Variants in NCK1 observed in about 807,000 individuals in gnomAD.
The protein encoded by NCK1 is NCK adaptor protein 1, also known as SH2/SH3 adapter protein NCK1.
NCK1 carries 19 observed loss-of-function variants against 36.6 expected under a neutral mutation model. The ratio of observed to expected loss-of-function variants is 0.52; its 90% CI spans 0.36 to 0.76. NCK1 has a LOEUF of 0.76. Among genes scored for constraint, NCK1 ranks in the 30% least tolerant of loss-of-function variants. NCK1 has a pLI of 0.00. For missense variants in NCK1, 358 were observed against 445.6 expected, an observed-to-expected ratio of 0.80 and a Z score of 1.77; for synonymous variants, 165 against 156.0, an observed-to-expected ratio of 1.06 and a Z score of -0.43.
At chr3:136,947,981 G>A (rs1940871753) in intron 3 of NCK1, among the ~76,000 whole-genome samples, 2 of 152,078 alleles carry the variant, frequency 1.3e-5, no homozygotes, top group African/African-American at 4.8e-5. Context: ...GGAGCCGTGG[G>A]TGTTAAGAGA....
At chr3:136,944,111 CCT>C (rs373692055) in intron 2 of NCK1, among the ~76,000 whole-genome samples, 4,692 of 80,712 alleles carry the variant, frequency 0.058, 68 homozygotes, top group Non-Finnish European at 0.08. Flanking sequence ...GGAAAAACAA[CCT>C]TTTTTTTTTT....
intron 1 of NCK1, among the ~76,000 whole-genome samples, chr3:136,888,330 T>TA (rs1470029735): frequency 2.0e-5 from 3 of 152,228 alleles, no homozygotes; most frequent in Non-Finnish European, 4.4e-5. Context: ...TCACATACTA[T>TA]ACAGTTCACT....
intron 1 of NCK1, among the ~76,000 whole-genome samples, chr3:136,890,909 G>A (rs1008366405): frequency 2.6e-5 from 4 of 152,044 alleles, no homozygotes; most frequent in East Asian, 1.9e-4. Context: ...CCCAACCTCT[G>A]GCAATCACCA....
Position 136,893,147 on chromosome 3 carries a change from A to AGTGTGTGTGTGT in NCK1, c.-19+30815_-19+30826dup, listed in dbSNP as rs142883729. ...TTTTTATGGCTAAGTAATATTCCAT[A>AGTGTGTGTGTGT]GTGTGTGTGTGTGTGTGTGTGTGTG... On this transcript the variant is annotated intron_variant, in intron 1 of 3. Coordinates refer to ENST00000481752, the MANE Select transcript of NCK1 (RefSeq NM_001291999.2). 6.3e-3 allele frequency among the ~76,000 whole-genome samples: 263 copies of AGTGTGTGTGTGT among 41,788 alleles called. 25 individuals are homozygous for AGTGTGTGTGTGT. The highest frequency in any genetic ancestry group is 0.03 in the Middle Eastern group (2 of 66). The allele number at this position is 41,788 out of a possible 152,430, so 27.4% of individuals were successfully genotyped here.
intron 2 of NCK1, among the ~76,000 whole-genome samples, chr3:136,940,753 C>T (rs1478337013): frequency 6.6e-6 from 1 of 152,044 alleles, no homozygotes; most frequent in Non-Finnish European, 1.5e-5. Context: ...CCATGTTGGC[C>T]AGGCTAGTCT....
intron 1 of NCK1, among the ~76,000 whole-genome samples, chr3:136,891,496 A>T (rs1168231484): frequency 6.6e-6 from 1 of 152,224 alleles, no homozygotes; most frequent in Non-Finnish European, 1.5e-5. Context: ...CAATATGAAC[A>T]TGGGTGTACA....
chr3:136,893,479 G>GT (rs1474149299), intron 1 of NCK1, among the ~76,000 whole-genome samples: 3 of 152,120 alleles, frequency 2.0e-5, no homozygotes, highest in East Asian at 3.9e-4. Context: ...TCCTTAGGCT[G>GT]TTTTTTGATG....
At chr3:136,885,853 T>A (rs748423804) in intron 1 of NCK1, among the ~76,000 whole-genome samples, 1 of 152,230 alleles carries the variant, frequency 6.6e-6, no homozygotes, top group Non-Finnish European at 1.5e-5. Context: ...TCATAAGAGA[T>A]ATGTTCTTTT....
chr3:136,930,221 G>A (rs1940356747), intron 2 of NCK1, among the ~76,000 whole-genome samples: 2 of 152,246 alleles, frequency 1.3e-5, no homozygotes, highest in African/African-American at 4.8e-5. Context: ...TTGTTTGAAA[G>A]TTGAGAAGGA....
chr3:136,948,198 A>G, intron 3 of NCK1, 61 bp from the exon 4 acceptor site: 1 of 1,330,358 alleles, frequency 7.5e-7, no homozygotes, highest in East Asian at 2.5e-5. Flanking sequence ...AGTTTAATAT[A>G]AAAATACTGA....
chr3:136,928,022 A>G lies in NCK1; in HGVS notation c.21A>G (p.Val7=), dbSNP rs1263212599. 1.2e-6 allele frequency: 2 copies of G among 1,613,900 alleles called. No homozygotes were observed. Among genetic ancestry groups the G allele is most frequent in the Non-Finnish European group, 1.7e-6 (2 of 1,179,876 alleles). The change falls in exon 2 of 4, where the codon GTA becomes GTG. Residue 7 remains valine, a synonymous_variant. Transcript: ENST00000481752. The part of the protein sequence containing the change: MAEEVV[V]VAKFDYVAQQ... ...GAAAGATGGCAGAAGAAGTGGTGGTAGTAGCCAAATTTGATTATGTGGCCC... is the reference window on the plus strand; with the variant it reads ...GAAAGATGGCAGAAGAAGTGGTGGTGGTAGCCAAATTTGATTATGTGGCCC...
intron 1 of NCK1, among the ~76,000 whole-genome samples, chr3:136,887,886 G>T (rs893464082): frequency 6.6e-5 from 10 of 151,864 alleles, no homozygotes; most frequent in African/African-American, 2.2e-4. Context: ...TAATGTTTCG[G>T]TTCTTGTTAT....
intron 1 of NCK1, among the ~76,000 whole-genome samples, chr3:136,903,780 A>G (rs1391093330): frequency 6.6e-6 from 1 of 151,922 alleles, no homozygotes; most frequent in Non-Finnish European, 1.5e-5. Context: ...ATTCAGAGTT[A>G]TTGATGTGTG....
rs184648268 is a variant in NCK1 at position 136,889,301 on chromosome 3, G to C, written c.-19+26948G>C. ...CAAGAATGAAGCCGCGGACCCTCGC[G>C]GTGAGTGTTACAGCTGTTAAGGTGG... On this transcript the variant is annotated intron_variant, in intron 1 of 3. Transcript: ENST00000481752. 1.5e-4 allele frequency: 27 copies of C among 175,588 alleles called. No homozygotes were observed. The East Asian group carries it at 4.6e-3, about 30-fold the overall frequency. 10.9% of individuals were successfully genotyped at this position (175,588 alleles called of 1,614,324 possible). A position where few individuals can be genotyped will look rare whatever the true frequency, so the allele number is the denominator to read the frequency against.
Position 136,928,230 on chromosome 3 carries a change from A to G in NCK1, c.226+3A>G. The G allele has an allele frequency of 1.3e-6, 2 of 1,584,260 alleles. No individual in the cohort carries two copies. The highest frequency in any genetic ancestry group is 1.2e-5 in the South Asian group (1 of 85,786). Reference sequence around the variant, plus strand: ...GAAAAACCTAAAGGATACCTTAGGTAAGATATTTTTTAAAAGAAAAGCAAC... The same window carrying G: ...GAAAAACCTAAAGGATACCTTAGGTGAGATATTTTTTAAAAGAAAAGCAAC... On this transcript the variant is annotated splice_donor_region_variant and intron_variant, in intron 2 of 3. Transcript: ENST00000481752.
intron 1 of NCK1, among the ~76,000 whole-genome samples, chr3:136,891,824 C>G (rs769161763): frequency 2.6e-5 from 4 of 152,124 alleles, no homozygotes; most frequent in Admixed American, 6.6e-5. Flanking sequence ...TGTGCTTATT[C>G]ACTGTTTGCA....
chr3:136,893,446 C>T (rs1939309715), intron 1 of NCK1, among the ~76,000 whole-genome samples: 1 of 151,770 alleles, frequency 6.6e-6, no homozygotes, highest in African/African-American at 2.4e-5. Flanking sequence ...TGTGTATCTT[C>T]GTTTGAGAAT....
intron 1 of NCK1, among the ~76,000 whole-genome samples, chr3:136,885,991 T>C (rs575774921): frequency 6.6e-6 from 1 of 152,322 alleles, no homozygotes; most frequent in Non-Finnish European, 1.5e-5. Flanking sequence ...ACAGTGGTAT[T>C]TCATCTGTTC....
intron 1 of NCK1, among the ~76,000 whole-genome samples, chr3:136,913,228 C>G (rs1394895162): frequency 6.6e-6 from 1 of 151,992 alleles, no homozygotes; most frequent in African/African-American, 2.4e-5. Context: ...TGTGATAACT[C>G]TGGAAATCAG....
Sources: gnomAD v4.1 joint callset for allele counts (sites outside exome capture counted in the v4.1 genomes callset) on GRCh38, gnomAD v4.1.1 for gene constraint, MANE v1.5 for transcripts, NCBI Gene and HGNC (gene_info 2026-07-23, HGNC 2026-07-21) for gene names.